Variants in ADGRB3 observed in about 807,000 individuals in gnomAD.
ADGRB3 encodes the protein adhesion G protein-coupled receptor B3.
In ADGRB3, 37 loss-of-function variants were observed where a neutral mutation model predicts 193.4. The observed-to-expected ratio is 0.19, with a 90% CI of 0.15 to 0.25. ADGRB3 has a LOEUF of 0.25. ADGRB3 is among the 10% of genes least tolerant of loss of function. ADGRB3 has a pLI of 1.00. For synonymous variants in ADGRB3, 690 were observed against 644.2 expected, an observed-to-expected ratio of 1.07 and a Z score of -1.08; for missense variants, 1,637 against 1,852.9, an observed-to-expected ratio of 0.88 and a Z score of 2.14.
chr6:69,280,644 A>T (rs1767414441), intron 20 of ADGRB3, among the ~76,000 whole-genome samples: 1 of 152,234 alleles, frequency 6.6e-6, no homozygotes, highest in Non-Finnish European at 1.5e-5. Context: ...AAACATAGCA[A>T]GTGCCATCCA....
intron 17 of ADGRB3, among the ~76,000 whole-genome samples, chr6:69,173,748 T>A (rs1385668704): frequency 7.9e-5 from 12 of 151,994 alleles, no homozygotes; most frequent in Non-Finnish European, 1.8e-4. Flanking sequence ...GGATAAACAG[T>A]GACAGGTGGA....
intron 27 of ADGRB3, 81 bp downstream of exon 27, chr6:69,354,409 T>G: frequency 8.2e-7 from 1 of 1,215,126 alleles, no homozygotes; most frequent in Non-Finnish European, 1.2e-6. Context: ...AGTAAAATAG[T>G]GTAAAATTTT....
At chr6:69,245,259 A>G (rs1766475577) in intron 20 of ADGRB3, among the ~76,000 whole-genome samples, 1 of 152,052 alleles carries the variant, frequency 6.6e-6, no homozygotes, top group Admixed American at 6.6e-5. Context: ...TCTGTAGCCC[A>G]CGTGATGGAA....
At chr6:69,051,849 TCAGAA>T (rs1266456875) in intron 15 of ADGRB3, among the ~76,000 whole-genome samples, 1 of 152,208 alleles carries the variant, frequency 6.6e-6, no homozygotes, top group Admixed American at 6.5e-5. Context: ...ATCGCAACTC[TCAGAA>T]CAGTTCTTAA....
At chr6:69,327,201 G>T (rs544325764) in intron 21 of ADGRB3, among the ~76,000 whole-genome samples, 24 of 152,232 alleles carry the variant, frequency 1.6e-4, no homozygotes, top group African/African-American at 4.3e-4. Context: ...ATACAGGGGG[G>T]TTCTATTGAA....
chr6:68,778,395 T>C (rs1219956267), intron 3 of ADGRB3, among the ~76,000 whole-genome samples: 1 of 152,142 alleles, frequency 6.6e-6, no homozygotes, highest in African/African-American at 2.4e-5. Flanking sequence ...CTACCAGCAA[T>C]GTATTGTCAT....
chr6:68,711,281 T>C (rs2127316396), intron 3 of ADGRB3, among the ~76,000 whole-genome samples: 1 of 152,254 alleles, frequency 6.6e-6, no homozygotes, highest in African/African-American at 2.4e-5. Context: ...GAATTCCTAT[T>C]CCTTCCAGAA....
chr6:69,295,652 C>T (rs536808327), intron 20 of ADGRB3, among the ~76,000 whole-genome samples: 13 of 152,180 alleles, frequency 8.5e-5, no homozygotes, highest in African/African-American at 1.2e-4. Flanking sequence ...ACCACCTCTA[C>T]GCTGGTGATG....
chr6:68,661,550 T>TATATATATATGTGTATAC (rs1768658225), intron 3 of ADGRB3, among the ~76,000 whole-genome samples: 3 of 35,466 alleles, frequency 8.5e-5, no homozygotes, highest in Non-Finnish European at 2.2e-4. Flanking sequence ...TATATATATA[T>TATATATATATGTGTATAC]ATATATATAT....
intron 3 of ADGRB3, among the ~76,000 whole-genome samples, chr6:68,831,666 A>C (rs1767959381): frequency 6.6e-6 from 1 of 152,252 alleles, no homozygotes; most frequent in African/African-American, 2.4e-5. Flanking sequence ...TAGTAAGAAA[A>C]CCAGAATGGA....
chr6:69,121,448 C>A (rs1326258476), intron 17 of ADGRB3, among the ~76,000 whole-genome samples: 7 of 152,014 alleles, frequency 4.6e-5, no homozygotes, highest in Admixed American at 3.9e-4. Flanking sequence ...CTTTCTTTTC[C>A]CCATATTTCC....
chr6:68,971,556 G>A (rs577154234), intron 8 of ADGRB3, among the ~76,000 whole-genome samples: 19 of 152,320 alleles, frequency 1.2e-4, no homozygotes, highest in South Asian at 6.2e-4. Context: ...GAGGAAGAGC[G>A]TAGGTTTCAA....
intron 3 of ADGRB3, among the ~76,000 whole-genome samples, chr6:68,786,108 G>A (rs1378590256): frequency 1.3e-5 from 2 of 151,854 alleles, no homozygotes; most frequent in Admixed American, 1.3e-4. Context: ...TAGGTTGCCT[G>A]TTCACTCTAA....
At chr6:68,714,276 C>G (rs1765454744) in intron 3 of ADGRB3, among the ~76,000 whole-genome samples, 1 of 151,762 alleles carries the variant, frequency 6.6e-6, no homozygotes, top group Non-Finnish European at 1.5e-5. Flanking sequence ...TCAGGGTAGT[C>G]TGACAACCTA....
intron 17 of ADGRB3, among the ~76,000 whole-genome samples, chr6:69,189,621 A>G (rs1765144152): frequency 6.6e-6 from 1 of 152,178 alleles, no homozygotes; most frequent in Non-Finnish European, 1.5e-5. Flanking sequence ...GATTCTCCTT[A>G]GGGAGTCTCT....
At chr6:68,946,906 T>A (rs2150252499) in intron 6 of ADGRB3, among the ~76,000 whole-genome samples, 1 of 152,302 alleles carries the variant, frequency 6.6e-6, no homozygotes, top group African/African-American at 2.4e-5. Flanking sequence ...CAGAGTTTGA[T>A]ATATACCTAT....
At chr6:69,254,974 TG>T (rs1766723651) in intron 20 of ADGRB3, among the ~76,000 whole-genome samples, 1 of 151,062 alleles carries the variant, frequency 6.6e-6, no homozygotes, top group Admixed American at 6.6e-5. Flanking sequence ...TTTTTGTTCT[TG>T]CGATAGTTTA....
chr6:69,166,504 A>T (rs2150346361), intron 17 of ADGRB3, among the ~76,000 whole-genome samples: 1 of 152,246 alleles, frequency 6.6e-6, no homozygotes, highest in African/African-American at 2.4e-5. Context: ...ATACTTTATA[A>T]ATTCATAATC....
chr6:69,336,437 G>A (rs769777767), intron 24 of ADGRB3, among the ~76,000 whole-genome samples: 26 of 151,006 alleles, frequency 1.7e-4, no homozygotes, highest in Non-Finnish European at 3.1e-4. Flanking sequence ...AGAGGCTGGC[G>A]CATTTCCTTT....
Sources: gnomAD v4.1 joint callset for allele counts (sites outside exome capture counted in the v4.1 genomes callset) on GRCh38, gnomAD v4.1.1 for gene constraint, MANE v1.5 for transcripts, NCBI Gene and HGNC (gene_info 2026-07-23, HGNC 2026-07-21) for gene names.